Variants in GRIA4 observed in about 807,000 individuals in gnomAD.
GRIA4 encodes glutamate receptor 4.
GRIA4 carries 34 observed loss-of-function variants against 104.0 expected under a neutral mutation model. The observed-to-expected ratio is 0.33, with a 90% CI of 0.25 to 0.44. The LOEUF is 0.44. GRIA4 is among the 20% of genes least tolerant of loss of function. The probability of loss-of-function intolerance (pLI) is 1.00; values close to 1 mark genes in which losing one functional copy is unlikely to be tolerated. For synonymous variants in GRIA4, 386 were observed against 381.9 expected, an observed-to-expected ratio of 1.01 and a Z score of -0.13; for missense variants, 750 against 1,096.5, an observed-to-expected ratio of 0.68 and a Z score of 4.46.
intron 5 of GRIA4, among the ~76,000 whole-genome samples, chr11:105,877,558 G>T (rs1945877685): frequency 6.6e-6 from 1 of 152,080 alleles, no homozygotes; most frequent in Non-Finnish European, 1.5e-5. Context: ...TCAAATGTAG[G>T]TTTGGTCTTT....
In GRIA4 at chr11:105,882,856, T is replaced by A. The variant is rs528205997; in HGVS notation, c.673-4663T>A. Among the ~76,000 whole-genome samples, 32 of 152,310 alleles carry A rather than the reference T, an allele frequency of 2.1e-4. No homozygotes were observed. In the South Asian group the frequency reaches 6.6e-3, roughly 32 times the overall value. On this transcript the variant is annotated intron_variant, in intron 5 of 16. Coordinates refer to ENST00000282499, the MANE Select transcript of GRIA4 (RefSeq NM_000829.4). ...AAAGTGAAGTCAATATGGAAAAGTG[T>A]CCTAATTCATTTTCTCCAACTTCCA...
intron 4 of GRIA4, among the ~76,000 whole-genome samples, chr11:105,788,275 G>A (rs904473294): frequency 6.6e-6 from 1 of 151,990 alleles, no homozygotes; most frequent in Admixed American, 6.6e-5. Flanking sequence ...TGGAGAAAAA[G>A]GTATGCTTAT....
chr11:105,648,563 A>T (rs982756961), intron 3 of GRIA4, among the ~76,000 whole-genome samples: 1 of 151,842 alleles, frequency 6.6e-6, no homozygotes, highest in African/African-American at 2.4e-5. Context: ...AAAGAAAAAA[A>T]TTTGCAAAGA....
chr11:105,967,008 G>A (rs1386921199), intron 14 of GRIA4, among the ~76,000 whole-genome samples: 1 of 152,014 alleles, frequency 6.6e-6, no homozygotes, highest in Non-Finnish European at 1.5e-5. Flanking sequence ...GAAATTTTCT[G>A]ATAGTTTTCA....
At chr11:105,825,717 A>G (rs1017514440) in intron 4 of GRIA4, among the ~76,000 whole-genome samples, 1 of 152,052 alleles carries the variant, frequency 6.6e-6, no homozygotes, top group South Asian at 2.1e-4. Context: ...GGTAAAAATC[A>G]TCAGTCACAG....
At chr11:105,878,912 A>G (rs1945940792) in intron 5 of GRIA4, among the ~76,000 whole-genome samples, 1 of 152,128 alleles carries the variant, frequency 6.6e-6, no homozygotes, top group Non-Finnish European at 1.5e-5. Context: ...GTTCTGTCTC[A>G]CTGGCATTCC....
intron 14 of GRIA4, among the ~76,000 whole-genome samples, chr11:105,963,746 AAC>A (rs2136268771): frequency 6.6e-6 from 1 of 152,256 alleles, no homozygotes; most frequent in South Asian, 2.1e-4. Context: ...CTTGATTCCA[AAC>A]AATTTTCTCA....
intron 14 of GRIA4, among the ~76,000 whole-genome samples, chr11:105,958,544 T>C (rs1948649675): frequency 6.6e-6 from 1 of 152,220 alleles, no homozygotes; most frequent in Admixed American, 6.5e-5. Context: ...TTTGCATTGA[T>C]GTTCATCAGG....
intron 9 of GRIA4, among the ~76,000 whole-genome samples, chr11:105,908,257 C>T (rs1202107606): frequency 2.0e-5 from 3 of 152,200 alleles, no homozygotes; most frequent in Admixed American, 2.0e-4. Flanking sequence ...CATCCCTTAT[C>T]AATTTAGTGA....
chr11:105,723,388 A>G (rs1937964426), intron 3 of GRIA4, among the ~76,000 whole-genome samples: 1 of 152,120 alleles, frequency 6.6e-6, no homozygotes, highest in Non-Finnish European at 1.5e-5. Flanking sequence ...CTTTTAAAAT[A>G]AAAATATAAA....
At chr11:105,713,498 T>A (rs1021625018) in intron 3 of GRIA4, among the ~76,000 whole-genome samples, 3 of 152,298 alleles carry the variant, frequency 2.0e-5, no homozygotes, top group African/African-American at 7.2e-5. Context: ...TGGGATCTTT[T>A]CCAGATTTTT....
intron 3 of GRIA4, among the ~76,000 whole-genome samples, chr11:105,688,134 ATATCTATATCTATATCTATATCTCTATC>A (rs1401216732): frequency 1.3e-5 from 1 of 78,334 alleles, no homozygotes; most frequent in African/African-American, 3.9e-5. Flanking sequence ...ATCTATATCT[ATATCTATATCTATATCTATATCTCTATC>A]TATCTATCTA....
intron 3 of GRIA4, among the ~76,000 whole-genome samples, chr11:105,628,636 C>G (rs543235827): frequency 6.6e-5 from 10 of 152,176 alleles, no homozygotes; most frequent in Non-Finnish European, 1.3e-4. Context: ...CCATGTGAAA[C>G]TGTAGTCAAT....
At chr11:105,639,950 T>C (rs1277981307) in intron 3 of GRIA4, among the ~76,000 whole-genome samples, 2 of 152,026 alleles carry the variant, frequency 1.3e-5, no homozygotes, top group African/African-American at 2.4e-5. Flanking sequence ...ACATGTTTCC[T>C]ATTTTTTTAT....
chr11:105,839,977 C>A (rs1944336528), intron 4 of GRIA4, among the ~76,000 whole-genome samples: 1 of 152,058 alleles, frequency 6.6e-6, no homozygotes, highest in Non-Finnish European at 1.5e-5. Context: ...CCTACCTTAT[C>A]TAAACTTTCT....
intron 3 of GRIA4, among the ~76,000 whole-genome samples, chr11:105,660,219 C>T (rs1409257184): frequency 2.6e-5 from 4 of 151,626 alleles, no homozygotes; most frequent in African/African-American, 9.7e-5. Flanking sequence ...GAAATATCCA[C>T]TAGGTGTCCA....
At chr11:105,742,942 G>A (rs1342464707) in intron 3 of GRIA4, among the ~76,000 whole-genome samples, 1 of 151,938 alleles carries the variant, frequency 6.6e-6, no homozygotes, top group Non-Finnish European at 1.5e-5. Context: ...TCATCATGTT[G>A]GCCAGGCTGG....
chr11:105,933,215 C>T (rs1051332334), intron 13 of GRIA4, among the ~76,000 whole-genome samples: 1 of 151,746 alleles, frequency 6.6e-6, no homozygotes, highest in Non-Finnish European at 1.5e-5. Flanking sequence ...GCACTCCAGT[C>T]TGGGCAACTC....
At chr11:105,900,953 AAT>A (rs35052860) in intron 7 of GRIA4, among the ~76,000 whole-genome samples, 26,995 of 149,578 alleles carry the variant, frequency 0.18, 2,529 homozygotes, top group Admixed American at 0.24. Flanking sequence ...AAGAACTAAA[AAT>A]ATATATATAT....
Sources: allele counts gnomAD v4.1 joint callset (sites outside exome capture counted in the v4.1 genomes callset), GRCh38; gene constraint gnomAD v4.1.1; transcripts MANE v1.5; gene names NCBI Gene and HGNC (gene_info 2026-07-23, HGNC 2026-07-21).